Variants in NBAS observed in about 807,000 individuals in gnomAD.
NBAS encodes the protein NAG/BC035112 fusion.
In NBAS, 219 loss-of-function variants were observed where a neutral mutation model predicts 302.5. The ratio of observed to expected loss-of-function variants is 0.72; its 90% CI spans 0.65 to 0.81. The LOEUF is 0.81. Ranked by LOEUF, NBAS falls within the 30% of genes least tolerant of loss-of-function variation. The probability of loss-of-function intolerance (pLI) is 0.00; values close to 1 mark genes in which losing one functional copy is unlikely to be tolerated. For synonymous variants in NBAS, 1,118 were observed against 1,021.6 expected (o/e 1.09, Z -1.80); for missense variants, 2,932 against 2,841.6 (o/e 1.03, Z -0.72).
intron 13 of NBAS, among the ~76,000 whole-genome samples, chr2:15,476,182 A>T (rs1680184732): frequency 6.6e-6 from 1 of 152,190 alleles, no homozygotes; most frequent in African/African-American, 2.4e-5. Context: ...CTCAGGAGAG[A>T]GATGTGTCAC....
chr2:15,272,881 C>G (rs573710802), intron 44 of NBAS, among the ~76,000 whole-genome samples: 1 of 152,090 alleles, frequency 6.6e-6, no homozygotes, highest in Non-Finnish European at 1.5e-5. Flanking sequence ...GGTTAAGAAA[C>G]TAAAGCGATG....
the NBAS span, among the ~76,000 whole-genome samples, chr2:14,992,073 T>C: frequency 6.6e-6 from 1 of 152,166 alleles, no homozygotes; most frequent in African/African-American, 2.4e-5. Context: ...GTGTGGGCAA[T>C]GCTACATTTT....
At chr2:14,813,659 G>T in the NBAS span, among the ~76,000 whole-genome samples, 1 of 152,134 alleles carries the variant, frequency 6.6e-6, no homozygotes, top group South Asian at 2.1e-4. Context: ...AAGCAGTAAG[G>T]TTACATATAA....
chr2:14,966,127 G>A, the NBAS span, among the ~76,000 whole-genome samples: 1 of 152,176 alleles, frequency 6.6e-6, no homozygotes, highest in African/African-American at 2.4e-5. Flanking sequence ...AAGAGACAAG[G>A]AAGGATAAGT....
the NBAS span, among the ~76,000 whole-genome samples, chr2:15,013,725 A>G: frequency 2.4e-4 from 36 of 152,210 alleles, no homozygotes; most frequent in African/African-American, 8.2e-4. Context: ...TGGAGGCTGC[A>G]GTGAGCTGAG....
chr2:15,388,387 T>C (rs531628067), intron 28 of NBAS, among the ~76,000 whole-genome samples: 37 of 145,288 alleles, frequency 2.5e-4, no homozygotes, highest in Admixed American at 2.5e-3. Context: ...AAGAAATGCA[T>C]ATTAAAAAAA....
chr2:14,838,704 T>C, the NBAS span, among the ~76,000 whole-genome samples: 19,707 of 151,984 alleles, frequency 0.13, 2,302 homozygotes, highest in African/African-American at 0.31. Flanking sequence ...TAGATCTTTG[T>C]TGGTTTCTAC....
chr2:14,964,775 AATAC>A, the NBAS span, among the ~76,000 whole-genome samples: 1 of 152,184 alleles, frequency 6.6e-6, no homozygotes, highest in Non-Finnish European at 1.5e-5. Flanking sequence ...GTCAGGATAG[AATAC>A]ATTTTGAGCC....
chr2:15,268,442 TCTCA>T (rs1218217252), intron 44 of NBAS, among the ~76,000 whole-genome samples: 1 of 152,124 alleles, frequency 6.6e-6, no homozygotes, highest in Non-Finnish European at 1.5e-5. Context: ...AGGCAAAAGA[TCTCA>T]CTGTCATTTT....
At chr2:15,551,019 T>C (rs1558432461) in intron 6 of NBAS, among the ~76,000 whole-genome samples, 1 of 152,234 alleles carries the variant, frequency 6.6e-6, no homozygotes, top group Non-Finnish European at 1.5e-5. Flanking sequence ...AATTATATAT[T>C]TGAGCATCTA....
At chr2:14,946,925 G>T in the NBAS span, among the ~76,000 whole-genome samples, 1 of 152,094 alleles carries the variant, frequency 6.6e-6, no homozygotes, top group Non-Finnish European at 1.5e-5. Context: ...ACCTACCAAT[G>T]AGTCAATTAC....
intron 28 of NBAS, among the ~76,000 whole-genome samples, chr2:15,392,950 T>C (rs1490229127): frequency 6.6e-6 from 1 of 151,964 alleles, no homozygotes; most frequent in Non-Finnish European, 1.5e-5. Context: ...AATCAAAAAC[T>C]AGGCCCCCAT....
At chr2:14,990,832 T>C in the NBAS span, among the ~76,000 whole-genome samples, 1 of 152,132 alleles carries the variant, frequency 6.6e-6, no homozygotes, top group Admixed American at 6.5e-5. Context: ...GTAGTGTGTA[T>C]AGAGAACATG....
At chr2:15,102,461 T>C in the NBAS span, among the ~76,000 whole-genome samples, 1 of 152,178 alleles carries the variant, frequency 6.6e-6, no homozygotes, top group Non-Finnish European at 1.5e-5. Flanking sequence ...ACTTAACAAG[T>C]GCCAGGTACT....
intron 9 of NBAS, among the ~76,000 whole-genome samples, chr2:15,523,674 G>T (rs1257753584): frequency 6.6e-6 from 1 of 152,152 alleles, no homozygotes; most frequent in African/African-American, 2.4e-5. Context: ...AACACTTTGG[G>T]AAGCCAAGAT....
the NBAS span, among the ~76,000 whole-genome samples, chr2:14,912,806 T>C: frequency 1.3e-5 from 2 of 151,980 alleles, no homozygotes; most frequent in Admixed American, 1.3e-4. Context: ...TCAAATAATT[T>C]CATAGGCCAA....
chr2:15,322,003 A>G (rs995639221), intron 38 of NBAS, among the ~76,000 whole-genome samples: 4 of 152,192 alleles, frequency 2.6e-5, no homozygotes, highest in South Asian at 2.1e-4. Context: ...ATGTCCATCA[A>G]TGACAGACCA....
At chr2:14,929,295 G>A in the NBAS span, among the ~76,000 whole-genome samples, 1 of 152,284 alleles carries the variant, frequency 6.6e-6, no homozygotes, top group African/African-American at 2.4e-5. Flanking sequence ...ACACACTAAA[G>A]TGTTCCCTGA....
Position 15,330,114 on chromosome 2 carries a change from T to C in NBAS, c.4347+484A>G, listed in dbSNP as rs560674165. ...AGGTGAACTGCTAATAGTTGTATGT[T>C]TTTCCTCTTTGTTTTCCAGTGTGAG... On this transcript the variant is annotated intron_variant, in intron 36 of 51. Coordinates refer to ENST00000281513, the MANE Select transcript of NBAS (RefSeq NM_015909.4). 6.7e-4 allele frequency among the ~76,000 whole-genome samples: 102 copies of C among 152,226 alleles called. No homozygotes were observed. The Middle Eastern group carries it at 0.01, about 15-fold the overall frequency.
Sources: allele counts gnomAD v4.1 joint callset (sites outside exome capture counted in the v4.1 genomes callset), GRCh38; gene constraint gnomAD v4.1.1; transcripts MANE v1.5; gene names NCBI Gene and HGNC (gene_info 2026-07-23, HGNC 2026-07-21).